Variants in UTP6 observed in about 807,000 individuals in gnomAD.
UTP6 encodes the protein U3 small nucleolar RNA-associated protein 6 homolog.
Under a neutral mutation model 96.5 loss-of-function variants are expected in UTP6, and 60 were observed. That is an observed-to-expected ratio of 0.62 (90% CI 0.51 to 0.77). UTP6 has a LOEUF of 0.77. UTP6 is among the 30% of genes least tolerant of loss of function. The pLI, the probability that UTP6 is intolerant of heterozygous loss-of-function variation, is 0.00. For missense variants in UTP6, 637 were observed against 706.5 expected, an observed-to-expected ratio of 0.90 and a Z score of 1.12; for synonymous variants, 215 against 240.1, an observed-to-expected ratio of 0.90 and a Z score of 0.96.
At chr17:31,893,220 G>C (rs1483192549) in intron 4 of UTP6, among the ~76,000 whole-genome samples, 1 of 152,048 alleles carries the variant, frequency 6.6e-6, no homozygotes, top group African/African-American at 2.4e-5. Context: ...TCGGGCCACT[G>C]CACTCCAGCC....
At chr17:31,866,953 G>A (rs945385929) in intron 17 of UTP6, among the ~76,000 whole-genome samples, 1 of 112,852 alleles carries the variant, frequency 8.9e-6, no homozygotes, top group African/African-American at 3.4e-5. Context: ...ATGAAAAACA[G>A]AATCACACCT....
chr17:31,866,929 T>C (rs1457417382), intron 17 of UTP6, among the ~76,000 whole-genome samples: 1 of 133,800 alleles, frequency 7.5e-6, no homozygotes, highest in Non-Finnish European at 1.6e-5. Flanking sequence ...TTTAACCTCA[T>C]ATTTTAGACA....
chr17:31,897,026 C>A (rs1227448536), intron 2 of UTP6, among the ~76,000 whole-genome samples: 1 of 152,016 alleles, frequency 6.6e-6, no homozygotes, highest in African/African-American at 2.4e-5. Flanking sequence ...TGGCTCAAGT[C>A]TGTAATTCCC....
At chr17:31,901,456 C>T in intron 1 of UTP6, 80 bp downstream of exon 1, 1 of 1,343,740 alleles carries the variant, frequency 7.4e-7, no homozygotes. Context: ...GTCGAGCGTC[C>T]CCACATCTAG....
At chr17:31,890,444 C>T (rs1911423226) in intron 6 of UTP6, among the ~76,000 whole-genome samples, 2 of 151,516 alleles carry the variant, frequency 1.3e-5, no homozygotes, top group African/African-American at 4.8e-5. Context: ...GGTGAATCCT[C>T]GTTTCTACTA....
intron 5 of UTP6, among the ~76,000 whole-genome samples, 181 bp from the exon 6 acceptor site, chr17:31,892,504 A>C (rs1904379283): frequency 6.6e-6 from 1 of 152,196 alleles, no homozygotes; most frequent in South Asian, 2.1e-4. Context: ...ACCACTAAAC[A>C]CTTTAAATAT....
rs1910767494 is a variant in UTP6, at chr17:31,880,572, C to T, written c.967+1G>A. ...TCACACCATGGTTTGGTGAAGTTCA[C>T]CTGTTGGCAGAGTCTTCACTGCCTC... On this transcript the variant is annotated splice_donor_variant, in intron 11 of 18. Transcript: ENST00000261708. LOFTEE classifies it high-confidence loss of function. 1 of 1,614,096 alleles carries T rather than the reference C, an allele frequency of 6.2e-7. No homozygotes were observed. Among genetic ancestry groups the T allele is most frequent in the Non-Finnish European group, 8.5e-7 (1 of 1,179,994 alleles).
chr17:31,863,327 C>T lies in UTP6; in HGVS notation c.*32G>A, dbSNP rs1260279189. The T allele has an allele frequency of 5.0e-6, 8 of 1,609,210 alleles. No individual in the cohort carries two copies. The highest frequency in any genetic ancestry group is 6.8e-6 in the Non-Finnish European group (8 of 1,178,040). ...TTGCCCACGGGGCTTGCTTGCAATA[C>T]TATTTCACAAAGCTGACTGTATTCT... On this transcript the variant is annotated 3_prime_UTR_variant, in exon 19 of 19. Coordinates refer to ENST00000261708, the MANE Select transcript of UTP6 (RefSeq NM_018428.3).
chr17:31,886,141 A>G lies in UTP6; in HGVS notation c.622-80T>C, dbSNP rs1911128550. On this transcript the variant is annotated intron_variant, in intron 8 of 18. Coordinates refer to ENST00000261708, the MANE Select transcript of UTP6 (RefSeq NM_018428.3). ...CTAGGACGAAAATTAACAATCCTAGACTACCTGTGCCATATGACCACTGGT... is the reference window on the plus strand; with the variant it reads ...CTAGGACGAAAATTAACAATCCTAGGCTACCTGTGCCATATGACCACTGGT... 2.5e-6 allele frequency: 3 copies of G among 1,203,630 alleles called. No homozygotes were observed. In the Admixed American group the frequency reaches 5.8e-5, roughly 23 times the overall value. 74.6% of individuals were successfully genotyped at this position (1,203,630 alleles called of 1,614,324 possible).
At chr17:31,863,742 G>T (rs1341865379) in intron 18 of UTP6, among the ~76,000 whole-genome samples, 1 of 151,856 alleles carries the variant, frequency 6.6e-6, no homozygotes, top group Non-Finnish European at 1.5e-5. Flanking sequence ...TCACTGTGTT[G>T]CCCCGGCTAG....
intron 2 of UTP6, among the ~76,000 whole-genome samples, chr17:31,898,788 G>A (rs936552971): frequency 1.3e-5 from 2 of 152,000 alleles, no homozygotes; most frequent in African/African-American, 4.8e-5. Flanking sequence ...TGTAATCATA[G>A]CACTCGCTTT....
At chr17:31,894,117 A>G (rs1241356649) in intron 4 of UTP6, among the ~76,000 whole-genome samples, 1 of 151,680 alleles carries the variant, frequency 6.6e-6, no homozygotes. Flanking sequence ...AAAAATACAA[A>G]AATTAGCCAG....
In UTP6 at chr17:31,863,192, A is replaced by G. The variant is rs146353822; in HGVS notation, c.*167T>C. 4.0e-6 allele frequency: 3 copies of G among 758,446 alleles called. No homozygotes were observed. Among genetic ancestry groups the G allele is most frequent in the Admixed American group, 2.8e-5 (1 of 35,500 alleles). 47.0% of individuals were successfully genotyped at this position (758,446 alleles called of 1,614,324 possible). A position where few individuals can be genotyped will look rare whatever the true frequency, so the allele number is the denominator to read the frequency against. On this transcript the variant is annotated 3_prime_UTR_variant, in exon 19 of 19. Transcript: ENST00000261708. ...CCAGTCTCAATCATAAAAATTTTTT[A>G]ATTTTTAAAAAGATTTAACAAGTTA...
intron 16 of UTP6, among the ~76,000 whole-genome samples, chr17:31,870,437 G>A (rs1910087298): frequency 6.6e-6 from 1 of 151,052 alleles, no homozygotes; most frequent in African/African-American, 2.4e-5. Flanking sequence ...TTTTTCACAT[G>A]TATGCTGGCT....
At chr17:31,894,829 C>A (rs1904540111) in intron 3 of UTP6, 92 bp from the exon 4 acceptor site, 1 of 1,317,724 alleles carries the variant, frequency 7.6e-7, no homozygotes, top group Non-Finnish European at 1.1e-6. Context: ...ACTGATGAAG[C>A]AAACAAATAA....
chr17:31,865,275 A>G (rs1439589630), intron 18 of UTP6, 91 bp downstream of exon 18: 1 of 1,374,940 alleles, frequency 7.3e-7, no homozygotes, highest in Non-Finnish European at 1.0e-6. Flanking sequence ...GGCCTCCCAA[A>G]GTGCTGGGAT....
At chr17:31,893,653 C>A (rs983644048) in intron 4 of UTP6, among the ~76,000 whole-genome samples, 2 of 147,910 alleles carry the variant, frequency 1.4e-5, no homozygotes, top group African/African-American at 2.5e-5. Flanking sequence ...TTGCTTCAAT[C>A]TGGGAGGCAG....
intron 16 of UTP6, among the ~76,000 whole-genome samples, chr17:31,869,579 G>GA (rs1910036918): frequency 6.6e-6 from 1 of 152,094 alleles, no homozygotes; most frequent in Non-Finnish European, 1.5e-5. Context: ...CAAACTCCTG[G>GA]ACTCAAGCAA....
intron 1 of UTP6, among the ~76,000 whole-genome samples, chr17:31,900,759 G>A (rs776647489): frequency 6.6e-6 from 1 of 152,194 alleles, no homozygotes; most frequent in Non-Finnish European, 1.5e-5. Flanking sequence ...TACGGGAGAA[G>A]ATTCAGAGTC....
Sources: gnomAD v4.1 joint callset for allele counts (sites outside exome capture counted in the v4.1 genomes callset) on GRCh38, gnomAD v4.1.1 for gene constraint, MANE v1.5 for transcripts, NCBI Gene and HGNC (gene_info 2026-07-23, HGNC 2026-07-21) for gene names.